The following ADAMTS20 variants were observed in gnomAD, a reference collection of about 807,000 sequenced individuals.
The protein encoded by ADAMTS20 is A disintegrin and metalloproteinase with thrombospondin motifs 20.
In ADAMTS20, 225 loss-of-function variants were observed where a neutral mutation model predicts 260.1. That is an observed-to-expected ratio of 0.87 (90% CI 0.78 to 0.97). The LOEUF (loss-of-function observed/expected upper bound fraction) is 0.97. Ranked by LOEUF, ADAMTS20 falls within the 50% of genes least tolerant of loss-of-function variation. The pLI is 0.00. For synonymous variants in ADAMTS20, 802 were observed against 769.5 expected (o/e 1.04, Z -0.70); for missense variants, 2,400 against 2,337.7 (o/e 1.03, Z -0.55).
intron 36 of ADAMTS20, among the ~76,000 whole-genome samples, chr12:43,372,649 G>C (rs1940131687): frequency 6.6e-6 from 1 of 152,226 alleles, no homozygotes; most frequent in African/African-American, 2.4e-5. Flanking sequence ...TGATTCAGCA[G>C]CAGAATTGAG....
At chr12:43,420,895 C>A (rs552210008) in intron 28 of ADAMTS20, among the ~76,000 whole-genome samples, 1 of 146,744 alleles carries the variant, frequency 6.8e-6, no homozygotes, top group South Asian at 2.2e-4. Context: ...GCAACTTCCA[C>A]CTCCCAGGTT....
intron 16 of ADAMTS20, among the ~76,000 whole-genome samples, chr12:43,441,980 T>A (rs1039891943): frequency 1.3e-5 from 2 of 152,212 alleles, no homozygotes; most frequent in South Asian, 2.1e-4. Context: ...ACATAGACAT[T>A]CCTCTATTTA....
At chr12:43,418,768 T>C (rs969413548) in intron 28 of ADAMTS20, among the ~76,000 whole-genome samples, 1 of 152,248 alleles carries the variant, frequency 6.6e-6, no homozygotes, top group African/African-American at 2.4e-5. Flanking sequence ...GTTAAAATAT[T>C]GAACTACAGC....
At chr12:43,431,008 T>C (rs1941432052) in intron 22 of ADAMTS20, among the ~76,000 whole-genome samples, 2 of 152,228 alleles carry the variant, frequency 1.3e-5, no homozygotes, top group Non-Finnish European at 1.5e-5. Flanking sequence ...AAACGATGCC[T>C]ATCCTAAAAA....
intron 3 of ADAMTS20, 129 bp downstream of exon 3, chr12:43,531,907 A>C (rs61925177): frequency 0.096 from 63,031 of 656,258 alleles, 3,417 homozygotes; most frequent in Admixed American, 0.2. Flanking sequence ...CACAATTTTT[A>C]TTTCTGAATT....
chr12:43,399,884 T>C (rs567378684), intron 28 of ADAMTS20, among the ~76,000 whole-genome samples: 1 of 152,192 alleles, frequency 6.6e-6, no homozygotes, highest in South Asian at 2.1e-4. Flanking sequence ...GTTTTCATTT[T>C]ATGAGTGAGG....
intron 7 of ADAMTS20, among the ~76,000 whole-genome samples, chr12:43,469,909 C>G (rs773929754): frequency 6.6e-6 from 1 of 152,146 alleles, no homozygotes; most frequent in Admixed American, 6.5e-5. Context: ...TTAGCCAATA[C>G]TTTTTAATAA....
chr12:43,378,169 T>G (rs968256381), intron 31 of ADAMTS20, among the ~76,000 whole-genome samples: 5 of 152,212 alleles, frequency 3.3e-5, no homozygotes, highest in African/African-American at 9.6e-5. Context: ...CAATGGCTTT[T>G]AAGACACTCA....
Position 43,395,716 on chromosome 12 carries a change from G to C in ADAMTS20, c.4452+3350C>G, listed in dbSNP as rs372987049. On this transcript the variant is annotated intron_variant, in intron 29 of 38. Coordinates refer to ENST00000389420, the MANE Select transcript of ADAMTS20 (RefSeq NM_025003.5). ...TTTTTTTTTTGAGAGTTTTAGAATG[G>C]ATTTACTATATGAGACTGGAGAACA... Among the ~76,000 whole-genome samples the C allele has an allele frequency of 8.7e-5, 12 of 138,072 alleles. No homozygotes were observed. In the East Asian group the frequency reaches 2.5e-3, roughly 28 times the overall value. 90.6% of individuals were successfully genotyped at this position (138,072 alleles called of 152,430 possible).
At chr12:43,439,231 T>G (rs1941612762) in intron 18 of ADAMTS20, among the ~76,000 whole-genome samples, 1 of 152,104 alleles carries the variant, frequency 6.6e-6, no homozygotes, top group Admixed American at 6.5e-5. Context: ...GTTTGATATC[T>G]CAACAATAAA....
intron 11 of ADAMTS20, among the ~76,000 whole-genome samples, chr12:43,456,375 A>G (rs1941964336): frequency 6.6e-6 from 1 of 151,854 alleles, no homozygotes; most frequent in South Asian, 2.1e-4. Flanking sequence ...CAACAACAAA[A>G]CCTTTCTTAG....
chr12:43,489,949 A>G (rs1054427965), intron 7 of ADAMTS20, among the ~76,000 whole-genome samples: 3 of 152,060 alleles, frequency 2.0e-5, no homozygotes, highest in Non-Finnish European at 1.5e-5. Flanking sequence ...AGGAACATAC[A>G]TATGTAATAA....
At chr12:43,423,346 G>A (rs1224183437) in intron 28 of ADAMTS20, 1 of 176,926 alleles carries the variant, frequency 5.7e-6, no homozygotes, top group African/African-American at 2.4e-5. Flanking sequence ...ATAGTTTGCT[G>A]ACCTCTAAAA....
At chr12:43,395,697 T>C (rs1940686998) in intron 29 of ADAMTS20, among the ~76,000 whole-genome samples, 1 of 148,580 alleles carries the variant, frequency 6.7e-6, no homozygotes, top group Non-Finnish European at 1.5e-5. Flanking sequence ...TTTTTTTTTT[T>C]TTTGAGAGTT....
At chr12:43,368,024 T>C (rs886397122) in intron 37 of ADAMTS20, among the ~76,000 whole-genome samples, 1 of 152,038 alleles carries the variant, frequency 6.6e-6, no homozygotes, top group Non-Finnish European at 1.5e-5. Context: ...GTTCTTTAAA[T>C]ATGTAAAGAT....
At chr12:43,412,652 C>T (rs1428396010) in intron 28 of ADAMTS20, among the ~76,000 whole-genome samples, 1 of 152,064 alleles carries the variant, frequency 6.6e-6, no homozygotes, top group Non-Finnish European at 1.5e-5. Context: ...GAGCCAGCTC[C>T]CTGTCACAGA....
intron 3 of ADAMTS20, among the ~76,000 whole-genome samples, chr12:43,510,085 T>C (rs1239501293): frequency 6.6e-6 from 1 of 152,126 alleles, no homozygotes; most frequent in Non-Finnish European, 1.5e-5. Context: ...TGTTAGGCAG[T>C]TGTTAAATGA....
intron 28 of ADAMTS20, among the ~76,000 whole-genome samples, chr12:43,405,049 A>G (rs1940885541): frequency 6.6e-6 from 1 of 151,652 alleles, no homozygotes; most frequent in South Asian, 2.1e-4. Flanking sequence ...CAACAGTTAA[A>G]CTACTACTCC....
Position 43,430,485 on chromosome 12 carries a change from A to G in ADAMTS20, c.3262-14T>C. 2 of 1,600,516 alleles carry G rather than the reference A, an allele frequency of 1.2e-6. No homozygotes were observed. Among genetic ancestry groups the G allele is most frequent in the Non-Finnish European group, 8.5e-7 (1 of 1,173,606 alleles). ...TGTGGTTGTGCACTGAAAGAAGAAT[A>G]TAGATATTAAAAAAACATTGTTTCC... On this transcript the variant is annotated splice_polypyrimidine_tract_variant and intron_variant, in intron 22 of 38. Transcript: ENST00000389420.
Sources: allele counts gnomAD v4.1 joint callset (sites outside exome capture counted in the v4.1 genomes callset), GRCh38; gene constraint gnomAD v4.1.1; transcripts MANE v1.5; gene names NCBI Gene and HGNC (gene_info 2026-07-23, HGNC 2026-07-21).